Variants in FSTL4 observed in about 807,000 individuals in gnomAD.
FSTL4 encodes the protein follistatin like 4.
A neutral mutation model predicts 78.2 loss-of-function variants in FSTL4; 28 were observed. The ratio of observed to expected loss-of-function variants is 0.36; its 90% CI spans 0.27 to 0.49. FSTL4 has a LOEUF of 0.49. Among genes scored for constraint, FSTL4 ranks in the 20% least tolerant of loss-of-function variants. The probability of loss-of-function intolerance (pLI) is 0.98; values close to 1 mark genes in which losing one functional copy is unlikely to be tolerated. For synonymous variants in FSTL4, 422 were observed against 440.5 expected, an observed-to-expected ratio of 0.96 and a Z score of 0.53; for missense variants, 922 against 1,084.9, an observed-to-expected ratio of 0.85 and a Z score of 2.11.
intron 3 of FSTL4, among the ~76,000 whole-genome samples, chr5:133,507,124 C>T (rs569444557): frequency 1.3e-5 from 2 of 152,308 alleles, no homozygotes; most frequent in Admixed American, 6.5e-5. Context: ...AGGAGAATCG[C>T]TTGAACCCAG....
intron 3 of FSTL4, among the ~76,000 whole-genome samples, chr5:133,503,009 CTA>C (rs1327092399): frequency 1.3e-5 from 2 of 152,124 alleles, no homozygotes; most frequent in Non-Finnish European, 1.5e-5. Context: ...TGTTAAGTTG[CTA>C]TGTTTGTGGT....
At chr5:133,494,238 T>C (rs1758325981) in intron 3 of FSTL4, among the ~76,000 whole-genome samples, 1 of 152,116 alleles carries the variant, frequency 6.6e-6, no homozygotes, top group African/African-American at 2.4e-5. Context: ...AGATTTCCAC[T>C]TCCCCTGGAA....
At chr5:133,530,819 C>A (rs1007161367) in intron 3 of FSTL4, among the ~76,000 whole-genome samples, 4 of 152,188 alleles carry the variant, frequency 2.6e-5, no homozygotes, top group Non-Finnish European at 5.9e-5. Flanking sequence ...AGGCCCCACA[C>A]CCCAGTGCAG....
At chr5:133,407,009 A>C (rs1047231716) in intron 3 of FSTL4, among the ~76,000 whole-genome samples, 14 of 152,200 alleles carry the variant, frequency 9.2e-5, no homozygotes, top group African/African-American at 3.4e-4. Context: ...AAGTTCAAGG[A>C]ACTCATGCCT....
chr5:133,669,990 C>T, the FSTL4 span, among the ~76,000 whole-genome samples: 1 of 152,188 alleles, frequency 6.6e-6, no homozygotes, highest in Non-Finnish European at 1.5e-5. Flanking sequence ...GCCCCTGTCT[C>T]AGGCCTCCCT....
chr5:133,211,457 C>T (rs974208161), intron 13 of FSTL4, among the ~76,000 whole-genome samples: 5 of 152,190 alleles, frequency 3.3e-5, no homozygotes, highest in South Asian at 2.1e-4. Context: ...TTTCCTCCTC[C>T]CCACCTCAGC....
chr5:133,302,225 A>G (rs958687), intron 6 of FSTL4, among the ~76,000 whole-genome samples: 81,635 of 151,742 alleles, frequency 0.54, 22,009 homozygotes, highest in Middle Eastern at 0.66. Context: ...TGGCCGTTAC[A>G]TGTGCCCCCT....
At chr5:133,664,625 G>T in the FSTL4 span, among the ~76,000 whole-genome samples, 29,620 of 152,066 alleles carry the variant, frequency 0.19, 2,987 homozygotes, top group Middle Eastern at 0.41. Flanking sequence ...GTGCTTCCTG[G>T]CCCAGACTCT....
chr5:133,595,781 A>G (rs1307112326), intron 2 of FSTL4, among the ~76,000 whole-genome samples: 1 of 152,190 alleles, frequency 6.6e-6, no homozygotes, highest in Non-Finnish European at 1.5e-5. Context: ...AACCCTGAAA[A>G]TGGTATTGTT....
At chr5:133,817,830 C>T in the FSTL4 span, among the ~76,000 whole-genome samples, 47 of 152,312 alleles carry the variant, frequency 3.1e-4, no homozygotes, top group African/African-American at 9.4e-4. Flanking sequence ...TGACCTGGCA[C>T]AGTACTAAGT....
chr5:133,498,834 C>T (rs1016722957), intron 3 of FSTL4, among the ~76,000 whole-genome samples: 2 of 152,010 alleles, frequency 1.3e-5, no homozygotes, highest in African/African-American at 4.8e-5. Flanking sequence ...CACCAACTCA[C>T]TCACTTTTTA....
intron 13 of FSTL4, among the ~76,000 whole-genome samples, chr5:133,210,625 TG>T (rs1282468935): frequency 1.3e-5 from 2 of 152,022 alleles, no homozygotes; most frequent in African/African-American, 4.8e-5. Context: ...CCCGAGTAGC[TG>T]GGATTACAGG....
rs1427409360 is a variant in FSTL4, at chr5:133,440,179, T to A, written c.161-39193A>T. On this transcript the variant is annotated intron_variant, in intron 3 of 15. Coordinates refer to ENST00000265342, the MANE Select transcript of FSTL4 (RefSeq NM_015082.2). This position sits in a 1 kb window ranked among gnomAD's most constrained non-coding sequence, Gnocchi z 4.1. ...GCTCTGGAACCCGGGGCTACACCCA[T>A]TCACTGAATAATTTCTGGGCGCTGT... 6.6e-6 allele frequency among the ~76,000 whole-genome samples: 1 copy of A among 152,074 alleles called. No homozygotes were observed. Among genetic ancestry groups the A allele is most frequent in the Non-Finnish European group, 1.5e-5 (1 of 68,010 alleles).
chr5:133,505,133 C>T (rs1050436735), intron 3 of FSTL4, among the ~76,000 whole-genome samples: 4 of 151,942 alleles, frequency 2.6e-5, no homozygotes, highest in African/African-American at 9.7e-5. Context: ...AGAGAATAGG[C>T]TGGATATAAA....
chr5:133,443,461 GT>G (rs1360810947), intron 3 of FSTL4, among the ~76,000 whole-genome samples: 2 of 152,232 alleles, frequency 1.3e-5, no homozygotes, highest in Non-Finnish European at 2.9e-5. Flanking sequence ...TAGGACATCT[GT>G]TTCTTAAAAC....
chr5:133,566,158 G>A (rs1760022956), intron 3 of FSTL4, among the ~76,000 whole-genome samples: 1 of 152,170 alleles, frequency 6.6e-6, no homozygotes. Context: ...CAGATCCTAT[G>A]ACCCTAGGGA....
intron 6 of FSTL4, among the ~76,000 whole-genome samples, chr5:133,295,305 T>G (rs1479979205): frequency 6.6e-6 from 1 of 152,156 alleles, no homozygotes; most frequent in East Asian, 1.9e-4. Context: ...CCCATCCATC[T>G]AAGACAATCC....
chr5:133,308,286 A>G (rs1453899658), intron 6 of FSTL4, among the ~76,000 whole-genome samples: 1 of 152,258 alleles, frequency 6.6e-6, no homozygotes, highest in Non-Finnish European at 1.5e-5. Flanking sequence ...AAACCAGCCC[A>G]TAGGCATTGC....
At position 133,199,148 on chromosome 5, in the gene FSTL4, C is replaced by A; in HGVS notation, c.2476G>T (p.Glu826Ter). ...GTCCCCCCCTTTATACCTGACACCT[C>A]ACACCGCAGCGTGTTTTGTCTCCCA... ...INGRQNTLRC[E>*]VSGIKGGTTV... Residue 826 changes from glutamate (E) to a stop codon, truncating the protein, a stop_gained, in exon 16 of 16, where the codon GAG becomes TAG. Coordinates refer to ENST00000265342, the MANE Select transcript of FSTL4 (RefSeq NM_015082.2). LOFTEE classifies it high-confidence loss of function. The surrounding 1 kb of genome is among the most constrained non-coding windows in gnomAD (Gnocchi z 4.4). The A allele has an allele frequency of 6.3e-7, 1 of 1,596,206 alleles. No individual in the cohort carries two copies. Among genetic ancestry groups the A allele is most frequent in the Non-Finnish European group, 8.6e-7 (1 of 1,168,838 alleles).
Sources: allele counts gnomAD v4.1 joint callset (sites outside exome capture counted in the v4.1 genomes callset), GRCh38; gene constraint gnomAD v4.1.1; non-coding constraint Gnocchi (gnomAD v3.1); transcripts MANE v1.5; gene names NCBI Gene and HGNC (gene_info 2026-07-23, HGNC 2026-07-21).